Variants in FSTL5 observed in about 807,000 individuals in gnomAD.
The protein encoded by FSTL5 is follistatin-related protein 5.
A neutral mutation model predicts 89.1 loss-of-function variants in FSTL5; 62 were observed. The observed-to-expected ratio is 0.70, with a 90% CI of 0.57 to 0.86. FSTL5 has a LOEUF of 0.86. Among genes scored for constraint, FSTL5 ranks in the 40% least tolerant of loss-of-function variants. The pLI is 0.00. For missense variants in FSTL5, 1,057 were observed against 1,001.6 expected (o/e 1.06, Z -0.75); for synonymous variants, 383 against 346.2 (o/e 1.11, Z -1.18).
At chr4:162,123,532 T>C (rs1324005256) in intron 1 of FSTL5, among the ~76,000 whole-genome samples, 2 of 152,052 alleles carry the variant, frequency 1.3e-5, no homozygotes, top group African/African-American at 4.8e-5. Flanking sequence ...TCTTAGAAAA[T>C]ATGGAAAGTG....
rs933197548 is a variant in FSTL5 at position 162,104,494 on chromosome 4, A to G, written c.126+6777T>C. Among the ~76,000 whole-genome samples, 13 of 152,190 alleles carry G rather than the reference A, an allele frequency of 8.5e-5. No individual in the cohort carries two copies. In the East Asian group the frequency reaches 2.5e-3, roughly 29 times the overall value. The stretch of plus-strand genomic sequence containing the variant: ...CCCGACCCCTGTAACACTATAATAA[A>G]GAGAATGTTTTTCTCTGGAGCAAAG... On this transcript the variant is annotated intron_variant, in intron 2 of 15. Coordinates refer to ENST00000306100, the MANE Select transcript of FSTL5 (RefSeq NM_020116.5).
chr4:161,871,333 A>C (rs569815009), intron 4 of FSTL5, among the ~76,000 whole-genome samples: 1 of 152,212 alleles, frequency 6.6e-6, no homozygotes, highest in Non-Finnish European at 1.5e-5. Context: ...ACATACTTAA[A>C]ATTTTCAAGA....
At chr4:162,097,797 T>C (rs1208182928) in intron 2 of FSTL5, among the ~76,000 whole-genome samples, 1 of 151,814 alleles carries the variant, frequency 6.6e-6, no homozygotes, top group African/African-American at 2.4e-5. Context: ...ATGTCTGAAA[T>C]TAAAAAGACC....
intron 15 of FSTL5, chr4:161,388,092 T>G (rs966965174): frequency 6.6e-6 from 1 of 152,108 alleles, no homozygotes; most frequent in African/African-American, 2.4e-5. Flanking sequence ...TGCTATACTA[T>G]TACCTAATTT....
intron 7 of FSTL5, among the ~76,000 whole-genome samples, chr4:161,596,942 A>G (rs1734034874): frequency 6.6e-6 from 1 of 152,076 alleles, no homozygotes; most frequent in African/African-American, 2.4e-5. Flanking sequence ...CCTTTGTCAG[A>G]TGAGTAGATT....
At chr4:161,646,179 AT>A in intron 7 of FSTL5, among the ~76,000 whole-genome samples, 1 of 148,200 alleles carries the variant, frequency 6.7e-6, no homozygotes, top group Non-Finnish European at 1.5e-5. Context: ...TATATATAAT[AT>A]ATCATATATA....
chr4:161,977,829 ACCAAAAGGTTCCATT>A (rs1162778002), intron 3 of FSTL5, among the ~76,000 whole-genome samples: 4 of 151,914 alleles, frequency 2.6e-5, no homozygotes, highest in Admixed American at 6.6e-5. Flanking sequence ...AAGTGGACTG[ACCAAAAGGTTCCATT>A]GGTGAAATAT....
At chr4:161,459,400 AT>A in intron 13 of FSTL5, 81 bp from the exon 14 acceptor site, 1 of 765,710 alleles carries the variant, frequency 1.3e-6, no homozygotes, top group Non-Finnish European at 2.2e-6. Flanking sequence ...GAAGATTCTA[AT>A]TTAGATGTCA....
chr4:161,851,464 G>A (rs925716437), intron 4 of FSTL5, among the ~76,000 whole-genome samples: 29 of 152,038 alleles, frequency 1.9e-4, no homozygotes, highest in African/African-American at 3.1e-4. Context: ...TTTTGGAAAC[G>A]ATTTCAGGTA....
chr4:161,542,528 G>A lies in FSTL5; in HGVS notation c.1177+4C>T. ...TAAGAGAAAAAAAAGCAAGTAAAAA[G>A]CACCTTGAAGCGTGAGTTGTTTGGA... On this transcript the variant is annotated splice_donor_region_variant and intron_variant, in intron 9 of 15. Transcript: ENST00000306100. 5 of 1,432,302 alleles carry A rather than the reference G, an allele frequency of 3.5e-6. No homozygotes were observed. The highest frequency in any genetic ancestry group is 4.6e-6 in the Non-Finnish European group (5 of 1,082,552). 88.7% of individuals were successfully genotyped at this position (1,432,302 alleles called of 1,614,324 possible).
intron 3 of FSTL5, among the ~76,000 whole-genome samples, chr4:161,926,193 G>A (rs1460892861): frequency 6.6e-6 from 1 of 151,846 alleles, no homozygotes; most frequent in Non-Finnish European, 1.5e-5. Flanking sequence ...ATTGGGATGT[G>A]TGTTTCCTGC....
At chr4:161,446,480 T>C (rs901844218) in intron 15 of FSTL5, among the ~76,000 whole-genome samples, 1 of 151,972 alleles carries the variant, frequency 6.6e-6, no homozygotes, top group Non-Finnish European at 1.5e-5. Flanking sequence ...CAAGAAAAAT[T>C]TCATAAATTC....
chr4:161,929,282 A>G (rs1338103693), intron 3 of FSTL5, among the ~76,000 whole-genome samples: 1 of 147,550 alleles, frequency 6.8e-6, no homozygotes, highest in African/African-American at 2.5e-5. Flanking sequence ...CTCTAATGGT[A>G]TGGGTCTGTT....
chr4:162,002,503 T>C (rs1394845379), intron 3 of FSTL5, among the ~76,000 whole-genome samples: 3 of 152,206 alleles, frequency 2.0e-5, no homozygotes, highest in Non-Finnish European at 4.4e-5. Flanking sequence ...TGGGATTATA[T>C]ATATCTTGTT....
chr4:161,459,549 G>A (rs1437568342), intron 13 of FSTL5, among the ~76,000 whole-genome samples: 1 of 151,748 alleles, frequency 6.6e-6, no homozygotes, highest in African/African-American at 2.4e-5. Flanking sequence ...ATACAATTAT[G>A]ATCACAATTA....
At chr4:161,884,571 A>G (rs1732740586) in intron 4 of FSTL5, among the ~76,000 whole-genome samples, 1 of 152,192 alleles carries the variant, frequency 6.6e-6, no homozygotes, top group African/African-American at 2.4e-5. Context: ...TTCTATAGTT[A>G]TTTACAAAGT....
chr4:162,103,311 G>A (rs1160637308), intron 2 of FSTL5, among the ~76,000 whole-genome samples: 1 of 152,054 alleles, frequency 6.6e-6, no homozygotes, highest in African/African-American at 2.4e-5. Flanking sequence ...CTCTTAAAAG[G>A]ACAAAACTAG....
intron 13 of FSTL5, among the ~76,000 whole-genome samples, chr4:161,462,498 A>C (rs567598740): frequency 1.3e-5 from 2 of 152,086 alleles, no homozygotes; most frequent in African/African-American, 4.8e-5. Context: ...TCAAACTTTA[A>C]CTCTTTCACT....
chr4:161,895,331 A>T (rs542753228), intron 4 of FSTL5, among the ~76,000 whole-genome samples: 1 of 152,338 alleles, frequency 6.6e-6, no homozygotes, highest in Non-Finnish European at 1.5e-5. Flanking sequence ...TTAAAAATGC[A>T]AATGTCCTTT....
Sources: gnomAD v4.1 joint callset for allele counts (sites outside exome capture counted in the v4.1 genomes callset) on GRCh38, gnomAD v4.1.1 for gene constraint, MANE v1.5 for transcripts, NCBI Gene and HGNC (gene_info 2026-07-23, HGNC 2026-07-21) for gene names.